GABRA3: variants seen among roughly 807,000 people sequenced by gnomAD.
GABRA3 encodes the protein gamma-aminobutyric acid receptor subunit alpha-3.
A neutral mutation model predicts 30.1 loss-of-function variants in GABRA3; 10 were observed. The observed-to-expected ratio is 0.33, with a 90% CI of 0.20 to 0.56. GABRA3 has a LOEUF of 0.56. Ranked by LOEUF, GABRA3 falls within the 20% of genes least tolerant of loss-of-function variation. The probability of loss-of-function intolerance (pLI) is 0.89; values close to 1 mark genes in which losing one functional copy is unlikely to be tolerated. For synonymous variants in GABRA3, 151 were observed against 146.8 expected, an observed-to-expected ratio of 1.03 and a Z score of -0.21; for missense variants, 233 against 392.0, an observed-to-expected ratio of 0.59 and a Z score of 3.42.
chrX:152,391,781 G>A (rs764249414), intron 1 of GABRA3, among the ~76,000 whole-genome samples: 13 of 111,837 alleles, frequency 1.2e-4, no homozygotes, highest in Middle Eastern at 4.6e-3. Context: ...CGACCATGCT[G>A]AATGGACAGC....
At chrX:152,233,647 A>T (rs1249362898) in intron 5 of GABRA3, among the ~76,000 whole-genome samples, 1 of 108,573 alleles carries the variant, frequency 9.2e-6, no homozygotes, top group African/African-American at 3.4e-5. Context: ...GCGATTCCTC[A>T]GGGATCTAGA....
At chrX:152,436,616 G>A (rs1299135870) in intron 1 of GABRA3, among the ~76,000 whole-genome samples, 1 of 111,706 alleles carries the variant, frequency 9.0e-6, no homozygotes, top group Non-Finnish European at 1.9e-5. Flanking sequence ...AGGGTGCCAA[G>A]GTAATTCAAT....
At chrX:152,214,875 T>A (rs758127914) in intron 6 of GABRA3, among the ~76,000 whole-genome samples, 1 of 109,734 alleles carries the variant, frequency 9.1e-6, no homozygotes, top group South Asian at 3.9e-4. Context: ...TAGTTCACTA[T>A]TGGCATATAG....
intron 9 of GABRA3, among the ~76,000 whole-genome samples, chrX:152,189,151 A>T (rs1185537892): frequency 8.9e-6 from 1 of 111,970 alleles, no homozygotes; most frequent in African/African-American, 3.2e-5. Flanking sequence ...ACTAATATGA[A>T]TAAATTATTT....
At chrX:152,390,401 A>G (rs1929445421) in intron 1 of GABRA3, among the ~76,000 whole-genome samples, 1 of 112,827 alleles carries the variant, frequency 8.9e-6, no homozygotes, top group African/African-American at 3.2e-5. Flanking sequence ...AGTAGACACA[A>G]TTATGCCTTA....
intron 9 of GABRA3, among the ~76,000 whole-genome samples, chrX:152,176,644 G>T (rs775862226): frequency 9.0e-6 from 1 of 111,548 alleles, no homozygotes. Flanking sequence ...AGCAGGTTTA[G>T]GGGGAAGATG....
At chrX:152,343,146 C>A (rs184185940) in intron 3 of GABRA3, among the ~76,000 whole-genome samples, 1 of 111,199 alleles carries the variant, frequency 9.0e-6, no homozygotes, top group African/African-American at 3.3e-5. Context: ...GAATTAATAA[C>A]CTTGGCCTCC....
At chrX:152,182,344 GTA>G (rs762441822) in intron 9 of GABRA3, among the ~76,000 whole-genome samples, 1 of 95,754 alleles carries the variant, frequency 1.0e-5, no homozygotes, top group Non-Finnish European at 2.1e-5. Context: ...CACAGTGTAT[GTA>G]TATATATACA....
intron 7 of GABRA3, among the ~76,000 whole-genome samples, chrX:152,199,874 C>T (rs1423727006): frequency 1.8e-5 from 2 of 110,560 alleles, no homozygotes; most frequent in Non-Finnish European, 3.8e-5. Flanking sequence ...CAAAATCAAT[C>T]AATCAGCCAA....
At chrX:152,252,697 C>T (rs1938577005) in intron 5 of GABRA3, among the ~76,000 whole-genome samples, 1 of 111,416 alleles carries the variant, frequency 9.0e-6, no homozygotes, top group South Asian at 3.7e-4. Context: ...CAGTAGGAAA[C>T]AATCTGAAAA....
intron 3 of GABRA3, among the ~76,000 whole-genome samples, chrX:152,289,602 G>C (rs969937952): frequency 9.1e-6 from 1 of 110,163 alleles, no homozygotes; most frequent in African/African-American, 3.3e-5. Context: ...GTGCCATGTT[G>C]GTTTGCTGCA....
intron 9 of GABRA3, chrX:152,187,246 A>G (rs1937268097): frequency 9.0e-6 from 1 of 111,682 alleles, no homozygotes; most frequent in Non-Finnish European, 1.9e-5. Flanking sequence ...CCTTAATCCC[A>G]AGAAGTAAGG....
At chrX:152,384,361 T>C (rs1325029753) in intron 1 of GABRA3, among the ~76,000 whole-genome samples, 3 of 111,273 alleles carry the variant, frequency 2.7e-5, no homozygotes, top group African/African-American at 6.5e-5. Context: ...TTCAGAGAAA[T>C]AGAAAAAAGA....
chrX:152,386,458 AC>A (rs1569414528), intron 1 of GABRA3, among the ~76,000 whole-genome samples: 2 of 111,139 alleles, frequency 1.8e-5, no homozygotes, highest in Non-Finnish European at 3.8e-5. Flanking sequence ...CAAGAAAAAA[AC>A]AAACAACCCC....
chrX:152,221,817 C>A (rs1237136688), intron 6 of GABRA3, among the ~76,000 whole-genome samples: 1 of 111,774 alleles, frequency 8.9e-6, no homozygotes, highest in East Asian at 2.8e-4. Flanking sequence ...CAGATTATTT[C>A]ATCACCCAGG....
intron 5 of GABRA3, among the ~76,000 whole-genome samples, chrX:152,249,910 G>C (rs1938523194): frequency 9.0e-6 from 1 of 111,209 alleles, no homozygotes; most frequent in Non-Finnish European, 1.9e-5. Flanking sequence ...ATACCCCACA[G>C]ACTCATTTCA....
intron 3 of GABRA3, among the ~76,000 whole-genome samples, chrX:152,326,884 C>T (rs1353625779): frequency 5.4e-5 from 6 of 111,027 alleles, no homozygotes; most frequent in Non-Finnish European, 9.4e-5. Flanking sequence ...GGGCTAAATG[C>T]TCCAATTGAA....
intron 5 of GABRA3, among the ~76,000 whole-genome samples, chrX:152,236,256 G>A (rs1181705621): frequency 1.9e-5 from 2 of 103,275 alleles, no homozygotes; most frequent in Non-Finnish European, 3.9e-5. Context: ...TTGGTTTTTT[G>A]TTCTTGCGAT....
chrX:152,236,753 G>A (rs1162710564), intron 5 of GABRA3, among the ~76,000 whole-genome samples: 3 of 101,409 alleles, frequency 3.0e-5, no homozygotes, highest in African/African-American at 7.2e-5. Flanking sequence ...CAGTGATGAT[G>A]AGCATTTTTT....
Sources: gnomAD v4.1 joint callset for allele counts (sites outside exome capture counted in the v4.1 genomes callset) on GRCh38, gnomAD v4.1.1 for gene constraint, MANE v1.5 for transcripts, NCBI Gene and HGNC (gene_info 2026-07-23, HGNC 2026-07-21) for gene names.